EFNA5: variants seen among roughly 807,000 people sequenced by gnomAD.
The protein encoded by EFNA5 is ephrin A5, also known as ephrin-A5.
EFNA5 carries 5 observed loss-of-function variants against 22.9 expected under a neutral mutation model. The observed-to-expected ratio is 0.22, with a 90% CI of 0.11 to 0.46. EFNA5 has a LOEUF of 0.46. Among genes scored for constraint, EFNA5 ranks in the 20% least tolerant of loss-of-function variants. The probability of loss-of-function intolerance (pLI) is 0.99; values close to 1 mark genes in which losing one functional copy is unlikely to be tolerated. For missense variants in EFNA5, 237 were observed against 293.3 expected, an observed-to-expected ratio of 0.81 and a Z score of 1.40; for synonymous variants, 113 against 112.2, an observed-to-expected ratio of 1.01 and a Z score of -0.04.
intron 2 of EFNA5, chr5:107,426,861 A>G (rs1748821857): frequency 2.4e-5 from 5 of 204,488 alleles, no homozygotes; most frequent in Middle Eastern, 2.0e-3. Context: ...AAGAAATCCA[A>G]TGACTCCAAG....
intron 1 of EFNA5, among the ~76,000 whole-genome samples, chr5:107,492,021 G>C (rs1746819209): frequency 6.6e-6 from 1 of 151,938 alleles, no homozygotes; most frequent in South Asian, 2.1e-4. Flanking sequence ...TTTTATTCGA[G>C]ACAGGGTTTC....
chr5:107,427,478 A>G lies in EFNA5; in HGVS notation c.157T>C (p.Cys53Arg). The G allele has an allele frequency of 6.2e-7, 1 of 1,613,650 alleles. No homozygotes were observed. The highest frequency in any genetic ancestry group is 1.3e-5 in the African/African-American group (1 of 75,018). ...AAAACATCCAGGTAGTCATTGATAC[A>G]GACATCAATATGGTAGTCACCCCTC... ...FQRGDYHIDVCINDYLDVFCP... is the reference protein window; with the variant it reads ...FQRGDYHIDVRINDYLDVFCP... Residue 53 changes from cysteine (C) to arginine (R), a missense_variant, in exon 2 of 5, where the codon TGT (cysteine) becomes CGT (arginine). By Grantham distance (180) the Cys-to-Arg change is radical. Transcript: ENST00000333274.
chr5:107,626,130 G>A (rs913743536), intron 1 of EFNA5, among the ~76,000 whole-genome samples: 3 of 152,212 alleles, frequency 2.0e-5, no homozygotes, highest in Non-Finnish European at 2.9e-5. Context: ...AGGTACTGGA[G>A]TGAAATAGAA....
intron 2 of EFNA5, among the ~76,000 whole-genome samples, chr5:107,404,479 T>C (rs1232595627): frequency 2.0e-5 from 3 of 152,238 alleles, no homozygotes; most frequent in African/African-American, 4.8e-5. Context: ...TTAATATTTT[T>C]ATAACAGCTA....
intron 2 of EFNA5, among the ~76,000 whole-genome samples, chr5:107,416,604 T>C (rs1203495067): frequency 6.6e-6 from 1 of 152,132 alleles, no homozygotes; most frequent in African/African-American, 2.4e-5. Context: ...ATTACAACCA[T>C]CAGAACAAGT....
chr5:107,462,720 G>C (rs1486249884), intron 1 of EFNA5, among the ~76,000 whole-genome samples: 1 of 152,176 alleles, frequency 6.6e-6, no homozygotes, highest in African/African-American at 2.4e-5. Flanking sequence ...CAGAATGCCT[G>C]TTCCCCAAGA....
chr5:107,657,871 C>CA (rs1750863131), intron 1 of EFNA5, among the ~76,000 whole-genome samples: 1 of 151,902 alleles, frequency 6.6e-6, no homozygotes, highest in African/African-American at 2.4e-5. Context: ...AAACAAAAAA[C>CA]AAAAAACGCA....
chr5:107,455,555 A>G (rs933211231), intron 1 of EFNA5, among the ~76,000 whole-genome samples: 4 of 152,196 alleles, frequency 2.6e-5, no homozygotes, highest in Non-Finnish European at 5.9e-5. Flanking sequence ...TCCACCCAGC[A>G]TTTTCCTTTG....
At chr5:107,417,420 A>C (rs1207002725) in intron 2 of EFNA5, among the ~76,000 whole-genome samples, 1 of 152,148 alleles carries the variant, frequency 6.6e-6, no homozygotes, top group Admixed American at 6.6e-5. Flanking sequence ...GATTTTATAC[A>C]ATCTGACTTA....
chr5:107,620,033 A>T (rs1019105953), intron 1 of EFNA5, among the ~76,000 whole-genome samples: 12 of 152,200 alleles, frequency 7.9e-5, no homozygotes, highest in Non-Finnish European at 1.5e-4. Context: ...TGACAGTAGC[A>T]AACCTCAGTG....
intron 2 of EFNA5, among the ~76,000 whole-genome samples, chr5:107,403,485 C>G (rs947162749): frequency 6.6e-6 from 1 of 152,132 alleles, no homozygotes; most frequent in African/African-American, 2.4e-5. Flanking sequence ...GTGGAAAATG[C>G]CTGGCTCACC....
At position 107,381,143 on chromosome 5, in the gene EFNA5, G is replaced by C; in HGVS notation, c.*112C>G. On this transcript the variant is annotated 3_prime_UTR_variant, in exon 5 of 5. Coordinates refer to ENST00000333274, the MANE Select transcript of EFNA5 (RefSeq NM_001962.3). ...GCTGAAAGAAAGAAAACAAAAATCT[G>C]ACATCTGCCAAAACCCAATAACAAG... 2 of 1,403,700 alleles carry C rather than the reference G, an allele frequency of 1.4e-6. No individual in the cohort carries two copies. Among genetic ancestry groups the C allele is most frequent in the South Asian group, 1.6e-5 (1 of 61,240 alleles). 87.0% of individuals were successfully genotyped at this position (1,403,700 alleles called of 1,614,324 possible).
intron 1 of EFNA5, among the ~76,000 whole-genome samples, chr5:107,649,173 C>T (rs1284912499): frequency 6.6e-6 from 1 of 152,004 alleles, no homozygotes. Flanking sequence ...ATTCAATCAC[C>T]TTGTAAAGAT....
At chr5:107,409,878 C>A (rs1206135609) in intron 2 of EFNA5, among the ~76,000 whole-genome samples, 2 of 152,126 alleles carry the variant, frequency 1.3e-5, no homozygotes, top group Non-Finnish European at 2.9e-5. Context: ...TTATGCTGGT[C>A]TACTCATCAA....
intron 1 of EFNA5, among the ~76,000 whole-genome samples, chr5:107,446,975 C>A (rs533172264): frequency 6.6e-6 from 1 of 152,270 alleles, no homozygotes; most frequent in Non-Finnish European, 1.5e-5. Flanking sequence ...AAGTGAATGT[C>A]AATCCTTAAA....
chr5:107,621,219 G>A (rs925652268), intron 1 of EFNA5, among the ~76,000 whole-genome samples: 2 of 152,152 alleles, frequency 1.3e-5, no homozygotes, highest in African/African-American at 4.8e-5. Context: ...AAAACAGACT[G>A]GGGGGCTGGA....
rs114362928 is a variant in EFNA5, at chr5:107,607,532, T to C, written c.125+62957A>G. 7.6e-3 allele frequency among the ~76,000 whole-genome samples: 1,160 copies of C among 152,360 alleles called. 18 individuals are homozygous for C. The highest frequency in any genetic ancestry group is 0.026 in the African/African-American group (1,079 of 41,580). ...TTTTTTCACAGATTTCAGATTTTAC[T>C]AACCTATATTACAAGTGACTTTTAA... is the stretch of plus-strand genomic sequence containing the variant. On this transcript the variant is annotated intron_variant, in intron 1 of 4. Transcript: ENST00000333274.
chr5:107,397,556 A>AG (rs1214537078), intron 2 of EFNA5, among the ~76,000 whole-genome samples: 3 of 151,610 alleles, frequency 2.0e-5, no homozygotes, highest in Admixed American at 2.0e-4. Context: ...TCAAAAAAAA[A>AG]AAGGGTGGGG....
At chr5:107,592,929 A>G (rs1749406134) in intron 1 of EFNA5, among the ~76,000 whole-genome samples, 1 of 152,156 alleles carries the variant, frequency 6.6e-6, no homozygotes, top group East Asian at 1.9e-4. Flanking sequence ...TCTTTTGACT[A>G]ATTTTTCTAA....
Sources: gnomAD v4.1 joint callset for allele counts (sites outside exome capture counted in the v4.1 genomes callset) on GRCh38, gnomAD v4.1.1 for gene constraint, MANE v1.5 for transcripts, NCBI Gene and HGNC (gene_info 2026-07-23, HGNC 2026-07-21) for gene names.